Variants in CFAP44 observed in about 807,000 individuals in gnomAD.
CFAP44 encodes the protein cilia- and flagella-associated protein 44.
In CFAP44, 134 loss-of-function variants were observed where a neutral mutation model predicts 216.2. The observed-to-expected ratio is 0.62, with a 90% CI of 0.54 to 0.72. The LOEUF is 0.72. Ranked by LOEUF, CFAP44 falls within the 30% of genes least tolerant of loss-of-function variation. The probability of loss-of-function intolerance (pLI) is 0.00; values close to 1 mark genes in which losing one functional copy is unlikely to be tolerated. For missense variants in CFAP44, 2,035 were observed against 2,182.1 expected, an observed-to-expected ratio of 0.93 and a Z score of 1.34; for synonymous variants, 700 against 727.6, an observed-to-expected ratio of 0.96 and a Z score of 0.61.
At chr3:113,415,671 T>C (rs1197283283) in intron 6 of CFAP44, among the ~76,000 whole-genome samples, 8 of 152,146 alleles carry the variant, frequency 5.3e-5, no homozygotes, top group Non-Finnish European at 2.9e-5. Flanking sequence ...AGTTGTGTGG[T>C]TTTTAGTGAG....
chr3:113,384,476 T>C (rs569445966), intron 15 of CFAP44, among the ~76,000 whole-genome samples: 8 of 152,350 alleles, frequency 5.3e-5, no homozygotes, highest in Non-Finnish European at 1.0e-4. Context: ...ATGTGACTGA[T>C]AGATCTTTGG....
At chr3:113,410,394 C>T (rs577989540) in intron 6 of CFAP44, among the ~76,000 whole-genome samples, 36 of 152,218 alleles carry the variant, frequency 2.4e-4, no homozygotes, top group Admixed American at 6.5e-4. Flanking sequence ...TGAGAACATG[C>T]AGTGTTTGGT....
rs565854103 is a variant in CFAP44, at chr3:113,423,069, T to C, written c.408-2890A>G. Among the ~76,000 whole-genome samples the C allele has an allele frequency of 6.6e-4, 100 of 151,372 alleles. 1 individual carries two copies. The highest frequency in any genetic ancestry group is 2.4e-3 in the African/African-American group (97 of 41,240). Reference sequence around the variant, plus strand: ...AGGAAATGTTTGTTGAACTAATGAATTCATTAATTTGTGCATAACTGGAAT... The same window carrying C: ...AGGAAATGTTTGTTGAACTAATGAACTCATTAATTTGTGCATAACTGGAAT... On this transcript the variant is annotated intron_variant, in intron 4 of 34. Transcript: ENST00000393845.
rs1201811254 is a variant in CFAP44, at chr3:113,410,346, T to C, written c.674-1024A>G. 1.6e-4 allele frequency among the ~76,000 whole-genome samples: 24 copies of C among 152,152 alleles called. 1 individual carries two copies. Among genetic ancestry groups the C allele is most frequent in the Admixed American group, 1.6e-3 (24 of 15,270 alleles). Reference sequence around the variant, plus strand: ...CCGGTGTGTGATGTTCCCCTTCCTGTGTCCAAGTGTTCTCATTGGTCAATT... The same window carrying C: ...CCGGTGTGTGATGTTCCCCTTCCTGCGTCCAAGTGTTCTCATTGGTCAATT... On this transcript the variant is annotated intron_variant, in intron 6 of 34. Transcript: ENST00000393845.
intron 33 of CFAP44, 97 bp downstream of exon 33, chr3:113,296,628 A>G: frequency 1.4e-6 from 2 of 1,402,936 alleles, no homozygotes; most frequent in Non-Finnish European, 1.9e-6. Flanking sequence ...GACCAGCTCC[A>G]GCTACACAGA....
intron 5 of CFAP44, among the ~76,000 whole-genome samples, chr3:113,419,192 G>GGCTCC (rs543108002): frequency 1.1e-4 from 16 of 152,100 alleles, no homozygotes; most frequent in Non-Finnish European, 1.9e-4. Context: ...AAACCTCATA[G>GGCTCC]GCTCCGACTG....
chr3:113,294,743 A>G lies in CFAP44; in HGVS notation c.5317T>C (p.Leu1773=). Residue 1773 remains leucine, a synonymous_variant, in exon 34 of 35, where the codon TTG becomes CTG. Transcript: ENST00000393845. ...HTRKLYQMND[L]CIEKKKLDSR... is the part of the protein sequence containing the mutation. The stretch of plus-strand genomic sequence containing the variant: ...TCAAGTTTCTTCTTTTCAATACACA[A>G]ATCATTCATCTGATAAAGCTTTCTG... 6.5e-7 allele frequency: 1 copy of G among 1,536,570 alleles called. No individual in the cohort carries two copies. Among genetic ancestry groups the G allele is most frequent in the Non-Finnish European group, 8.7e-7 (1 of 1,146,594 alleles).
intron 18 of CFAP44, among the ~76,000 whole-genome samples, chr3:113,366,855 C>A (rs887708627): frequency 2.0e-5 from 3 of 152,186 alleles, no homozygotes; most frequent in African/African-American, 7.2e-5. Context: ...TACACTTCTG[C>A]CCAAATACTG....
intron 30 of CFAP44, 22 bp downstream of exon 30, chr3:113,306,179 A>G: frequency 6.5e-7 from 1 of 1,529,802 alleles, no homozygotes. Flanking sequence ...GAGAGGATAA[A>G]TAAGTAAACA....
intron 7 of CFAP44, 103 bp downstream of exon 7, chr3:113,409,003 C>T (rs1052494445): frequency 3.1e-6 from 2 of 642,304 alleles, no homozygotes; most frequent in African/African-American, 6.2e-5. Flanking sequence ...TTAACCAAAA[C>T]AGCAAAAAAA....
Position 113,383,912 on chromosome 3 carries a change from C to A in CFAP44, c.1891-2852G>T, listed in dbSNP as rs1004232907. 7.2e-5 allele frequency among the ~76,000 whole-genome samples: 11 copies of A among 152,098 alleles called. 1 individual carries two copies. Among genetic ancestry groups the A allele is most frequent in the African/African-American group, 2.7e-4 (11 of 41,384 alleles). On this transcript the variant is annotated intron_variant, in intron 15 of 34. Transcript: ENST00000393845. Reference sequence around the variant, plus strand: ...CTATCCCTCCCCTAGCCCCCAACCCCCTGCCAGGCCCCAGTGTGTGATGTT... The same window carrying A: ...CTATCCCTCCCCTAGCCCCCAACCCACTGCCAGGCCCCAGTGTGTGATGTT...
At chr3:113,307,872 C>T (rs1343106416) in intron 29 of CFAP44, among the ~76,000 whole-genome samples, 1 of 151,998 alleles carries the variant, frequency 6.6e-6, no homozygotes, top group African/African-American at 2.4e-5. Context: ...CCCAACTACT[C>T]GGGAGGCTGA....
At chr3:113,355,555 A>G (rs1950485564) in intron 22 of CFAP44, among the ~76,000 whole-genome samples, 1 of 152,190 alleles carries the variant, frequency 6.6e-6, no homozygotes, top group South Asian at 2.1e-4. Flanking sequence ...GGATGAGTTC[A>G]TGTCCTTTGC....
intron 24 of CFAP44, among the ~76,000 whole-genome samples, chr3:113,335,787 C>T (rs1365014340): frequency 1.3e-5 from 2 of 152,184 alleles, no homozygotes; most frequent in African/African-American, 4.8e-5. Flanking sequence ...AGAAAGCATA[C>T]TCTTTTCAAG....
chr3:113,338,033 C>A (rs1950295691), intron 24 of CFAP44, among the ~76,000 whole-genome samples: 2 of 151,710 alleles, frequency 1.3e-5, no homozygotes, highest in African/African-American at 4.8e-5. Context: ...GAGGCCAGGG[C>A]AGGTAGATCA....
rs543426241 is a variant in CFAP44 at position 113,331,526 on chromosome 3, C to CACAGAAA, written c.3616-865_3616-859dup. On this transcript the variant is annotated intron_variant, in intron 25 of 34. Transcript: ENST00000393845. ...CTACATATATATTTACTATCTGCAACACAGAAAACTGTATCAAGATAGAGG... is the reference window on the plus strand; with the variant it reads ...CTACATATATATTTACTATCTGCAACACAGAAAACAGAAAACTGTATCAAGATAGAGG... Among the ~76,000 whole-genome samples, 39 of 152,216 alleles carry CACAGAAA rather than the reference C, an allele frequency of 2.6e-4. No individual in the cohort carries two copies. The East Asian group carries it at 7.3e-3, about 29-fold the overall frequency.
In CFAP44 at chr3:113,379,517, C is replaced by T. The variant is rs771243266; in HGVS notation, c.2087G>A (p.Arg696Lys). ...TTCCCTTATTTTCTCCTTCAACTCC[C>T]TTTGTCTCTCCCTCTTTTCAATTTC... ...LIEIEKRERQ[R>K]ELKEKIREER... The change falls in exon 17 of 35, where the codon AGG (arginine) becomes AAG (lysine). Residue 696 changes from arginine (R) to lysine (K), a missense_variant. Transcript: ENST00000393845. The T allele has an allele frequency of 1.3e-6, 2 of 1,597,738 alleles. No homozygotes were observed. The highest frequency in any genetic ancestry group is 1.7e-6 in the Non-Finnish European group (2 of 1,165,754).
chr3:113,342,513 A>G (rs2107820308), intron 23 of CFAP44, among the ~76,000 whole-genome samples: 1 of 152,302 alleles, frequency 6.6e-6, no homozygotes, highest in South Asian at 2.1e-4. Context: ...AGAGAACATG[A>G]TAAATGATGG....
intron 28 of CFAP44, among the ~76,000 whole-genome samples, chr3:113,312,080 T>C (rs937092064): frequency 2.0e-5 from 3 of 149,766 alleles, no homozygotes; most frequent in Admixed American, 1.3e-4. Flanking sequence ...TGTGTTTTTT[T>C]TTTTTTTTTT....
Sources: gnomAD v4.1 joint callset for allele counts (sites outside exome capture counted in the v4.1 genomes callset) on GRCh38, gnomAD v4.1.1 for gene constraint, MANE v1.5 for transcripts, NCBI Gene and HGNC (gene_info 2026-07-23, HGNC 2026-07-21) for gene names.